Variants in GRIP1 observed in about 807,000 individuals in gnomAD.
The protein encoded by GRIP1 is glutamate receptor interacting protein 1.
In GRIP1, 45 loss-of-function variants were observed where a neutral mutation model predicts 129.9. The observed-to-expected ratio is 0.35, with a 90% CI of 0.27 to 0.44. The LOEUF is 0.44. Among genes scored for constraint, GRIP1 ranks in the 20% least tolerant of loss-of-function variants. GRIP1 has a pLI of 1.00. For missense variants in GRIP1, 1,196 were observed against 1,396.8 expected, an observed-to-expected ratio of 0.86 and a Z score of 2.29; for synonymous variants, 530 against 520.8, an observed-to-expected ratio of 1.02 and a Z score of -0.24.
At chr12:66,869,135 C>T (rs1355804401) in intron 1 of GRIP1, among the ~76,000 whole-genome samples, 4 of 152,008 alleles carry the variant, frequency 2.6e-5, no homozygotes, top group Admixed American at 2.6e-4. Flanking sequence ...TTTTAAGATG[C>T]TTAGCAAGGG....
intron 1 of GRIP1, among the ~76,000 whole-genome samples, chr12:66,771,095 AAGAAAGAT>A (rs1391538503): frequency 6.6e-6 from 1 of 152,138 alleles, no homozygotes; most frequent in African/African-American, 2.4e-5. Context: ...TCTGTCTCAA[AAGAAAGAT>A]AGAAAGAAAA....
At chr12:66,652,858 T>G (rs1362004085) in intron 1 of GRIP1, among the ~76,000 whole-genome samples, 2 of 152,216 alleles carry the variant, frequency 1.3e-5, no homozygotes, top group Admixed American at 1.3e-4. Flanking sequence ...GTGTATGCCT[T>G]GCATATGGTG....
chr12:66,955,669 G>A (rs572261692), intron 1 of GRIP1, among the ~76,000 whole-genome samples: 5 of 151,728 alleles, frequency 3.3e-5, no homozygotes, highest in South Asian at 4.2e-4. Flanking sequence ...CACCATGCCC[G>A]GATAAATTTG....
intron 2 of GRIP1, among the ~76,000 whole-genome samples, chr12:66,589,734 G>A (rs2063784192): frequency 6.6e-6 from 1 of 152,052 alleles, no homozygotes; most frequent in Non-Finnish European, 1.5e-5. Flanking sequence ...AGTATAGGTG[G>A]AACACAAATA....
chr12:66,607,831 C>T (rs1042569639), intron 1 of GRIP1, among the ~76,000 whole-genome samples: 8 of 152,192 alleles, frequency 5.3e-5, no homozygotes, highest in African/African-American at 1.4e-4. Context: ...GATTAACCCA[C>T]TAGCCATTAT....
chr12:67,002,267 A>G (rs776548247), intron 1 of GRIP1, among the ~76,000 whole-genome samples: 1 of 152,230 alleles, frequency 6.6e-6, no homozygotes, highest in Non-Finnish European at 1.5e-5. Context: ...TGAATTATAC[A>G]ATCTGTCAAA....
intron 7 of GRIP1, among the ~76,000 whole-genome samples, chr12:66,514,136 T>A (rs996267578): frequency 6.6e-6 from 1 of 152,198 alleles, no homozygotes; most frequent in Admixed American, 6.5e-5. Flanking sequence ...TGTTTGGTAA[T>A]ATTCTTGTTT....
intron 2 of GRIP1, among the ~76,000 whole-genome samples, chr12:66,550,506 A>C (rs548730244): frequency 6.6e-6 from 1 of 152,322 alleles, no homozygotes; most frequent in South Asian, 2.1e-4. Context: ...TACTTTGAGA[A>C]TTTAATGAAA....
intron 1 of GRIP1, among the ~76,000 whole-genome samples, chr12:66,723,332 A>ATTTTTTT (rs2036153490): frequency 4.5e-5 from 3 of 66,214 alleles, no homozygotes; most frequent in African/African-American, 1.3e-4. Context: ...TTTTTTTTTG[A>ATTTTTTT]GACAGAGTCT....
chr12:67,059,740 C>T (rs564233046), intron 1 of GRIP1, among the ~76,000 whole-genome samples: 19 of 152,302 alleles, frequency 1.2e-4, no homozygotes, highest in South Asian at 2.1e-4. Context: ...CATACACACA[C>T]GCCCATCCTT....
chr12:66,608,958 A>ATTATTAT (rs879336698), intron 1 of GRIP1, among the ~76,000 whole-genome samples: 6 of 111,792 alleles, frequency 5.4e-5, no homozygotes, highest in Admixed American at 9.8e-5. Flanking sequence ...TATTATTATT[A>ATTATTAT]TATTATATAT....
chr12:67,010,316 T>G (rs1420274861), intron 1 of GRIP1, among the ~76,000 whole-genome samples: 1 of 152,130 alleles, frequency 6.6e-6, no homozygotes, highest in African/African-American at 2.4e-5. Context: ...TAATAGCAAT[T>G]CGAGTTTAGA....
At chr12:67,069,166 G>T (rs559448710), upstream of GRIP1, 1 of 946,662 alleles carries the variant, frequency 1.1e-6, no homozygotes, top group Non-Finnish European at 1.3e-6. Context: ...CTCTTTCTCC[G>T]GGGCTCTCCG....
upstream of GRIP1, among the ~76,000 whole-genome samples, chr12:66,806,758 C>A (rs2039000816): frequency 6.6e-6 from 1 of 151,592 alleles, no homozygotes; most frequent in Admixed American, 6.6e-5. Context: ...ACATACCAAA[C>A]TCTGTTTTCA....
chr12:67,023,832 G>C (rs1272388385), intron 1 of GRIP1, among the ~76,000 whole-genome samples: 1 of 152,102 alleles, frequency 6.6e-6, no homozygotes, highest in Admixed American at 6.6e-5. Context: ...GGGGCACAGT[G>C]TCTCCTGCCA....
Position 66,456,301 on chromosome 12 carries a change from A to C in GRIP1, c.1084T>G (p.Trp362Gly). ...RSDRQLTWDS[W>G]ASNHSSLHTN... ...TGAAGGCTGCTGTGGTTGCTGGCCC[A>C]GGAATCCCAGGTAAGTTGCCTGTCG... The change falls in exon 10 of 25, where the codon TGG (tryptophan) becomes GGG (glycine). Residue 362 changes from tryptophan (W) to glycine (G), a missense_variant. Coordinates refer to ENST00000359742, the MANE Select transcript of GRIP1 (RefSeq NM_001366722.1). The C allele has an allele frequency of 7.8e-7, 1 of 1,289,614 alleles. No homozygotes were observed. The highest frequency in any genetic ancestry group is 1.0e-6 in the Non-Finnish European group (1 of 988,460). The allele number at this position is 1,289,614 out of a possible 1,614,324, so 79.9% of individuals were successfully genotyped here. A position where few individuals can be genotyped will look rare whatever the true frequency, so the allele number is the denominator to read the frequency against.
At chr12:66,767,857 G>A (rs1317728770) in intron 1 of GRIP1, among the ~76,000 whole-genome samples, 2 of 152,188 alleles carry the variant, frequency 1.3e-5, no homozygotes, top group East Asian at 3.9e-4. Flanking sequence ...ATAGCCTCGA[G>A]TTCTTCCCCT....
chr12:66,900,508 T>A (rs2040827528), intron 1 of GRIP1, among the ~76,000 whole-genome samples: 1 of 152,162 alleles, frequency 6.6e-6, no homozygotes. Context: ...ATCTTTTGCT[T>A]AAGCCACCCA....
chr12:66,910,336 A>G (rs762140794), intron 1 of GRIP1, among the ~76,000 whole-genome samples: 9 of 152,064 alleles, frequency 5.9e-5, no homozygotes, highest in South Asian at 4.1e-4. Flanking sequence ...CCTTCCCTTT[A>G]CTTTCTTCTC....
Sources: allele counts gnomAD v4.1 joint callset (sites outside exome capture counted in the v4.1 genomes callset), GRCh38; gene constraint gnomAD v4.1.1; transcripts MANE v1.5; gene names NCBI Gene and HGNC (gene_info 2026-07-23, HGNC 2026-07-21).